KCNH5: variants seen among roughly 807,000 people sequenced by gnomAD.
KCNH5 encodes the protein potassium voltage-gated channel subfamily H member 5.
A neutral mutation model predicts 96.1 loss-of-function variants in KCNH5; 46 were observed. The observed-to-expected ratio is 0.48, with a 90% confidence interval of 0.38 to 0.61. KCNH5 has a LOEUF of 0.61. Among genes scored for constraint, KCNH5 ranks in the 20% least tolerant of loss-of-function variants. The pLI is 0.00. For synonymous variants in KCNH5, 439 were observed against 449.8 expected (o/e 0.98, Z 0.30); for missense variants, 907 against 1,225.8 (o/e 0.74, Z 3.88).
intron 7 of KCNH5, among the ~76,000 whole-genome samples, chr14:62,859,978 T>C (rs145593897): frequency 3.5e-3 from 527 of 152,348 alleles, no homozygotes; most frequent in Non-Finnish European, 6.2e-3. Flanking sequence ...AACTTACTTA[T>C]GCCTTCAAGA....
At chr14:62,954,009 T>G (rs2140133203) in intron 6 of KCNH5, among the ~76,000 whole-genome samples, 1 of 152,320 alleles carries the variant, frequency 6.6e-6, no homozygotes, top group African/African-American at 2.4e-5. Context: ...CATCAGGACC[T>G]TGTACCTACC....
chr14:62,742,048 T>G (rs919899359), intron 10 of KCNH5, among the ~76,000 whole-genome samples: 1 of 152,134 alleles, frequency 6.6e-6, no homozygotes, highest in African/African-American at 2.4e-5. Flanking sequence ...AATTGAACAG[T>G]AATATCTTCC....
rs1018982491 is a variant in KCNH5 at position 62,817,756 on chromosome 14, A to G, written c.1570-15175T>C. Among the ~76,000 whole-genome samples the G allele has an allele frequency of 4.1e-5, 6 of 146,822 alleles. No individual in the cohort carries two copies. In the South Asian group the frequency reaches 1.3e-3, roughly 31 times the overall value. On this transcript the variant is annotated intron_variant, in intron 8 of 10. Coordinates refer to ENST00000322893, the MANE Select transcript of KCNH5 (RefSeq NM_139318.5). ...ATATAATAATATATTCTAGGAATATATTATATTCCTATATATTCTAGGAAT... is the reference window on the plus strand; with the variant it reads ...ATATAATAATATATTCTAGGAATATGTTATATTCCTATATATTCTAGGAAT...
At position 62,955,675 on chromosome 14, in the gene KCNH5, C is replaced by T. The variant is rs559889190; in HGVS notation, c.943-5116G>A. Among the ~76,000 whole-genome samples the T allele has an allele frequency of 5.3e-5, 8 of 152,246 alleles. No individual in the cohort carries two copies. The East Asian group carries it at 1.5e-3, about 29-fold the overall frequency. ...TTGGCTTAAACATGAGCATTCTCTA[C>T]ATGACTGAATAAAGTAGATTAAATA... is the stretch of plus-strand genomic sequence containing the variant. On this transcript the variant is annotated intron_variant, in intron 6 of 10. Coordinates refer to ENST00000322893, the MANE Select transcript of KCNH5 (RefSeq NM_139318.5).
intron 8 of KCNH5, among the ~76,000 whole-genome samples, chr14:62,818,113 G>GT (rs1196822751): frequency 1.6e-5 from 2 of 128,358 alleles, no homozygotes; most frequent in Non-Finnish European, 3.3e-5. Flanking sequence ...TGGGGGCGGG[G>GT]GGGGGGTGGA....
chr14:62,936,788 C>A (rs533556448), intron 7 of KCNH5, among the ~76,000 whole-genome samples: 13 of 151,622 alleles, frequency 8.6e-5, no homozygotes, highest in Non-Finnish European at 8.8e-5. Flanking sequence ...CCTGCCTGAC[C>A]AACAGGGTGA....
intron 8 of KCNH5, among the ~76,000 whole-genome samples, chr14:62,810,833 T>A (rs2140007310): frequency 6.6e-6 from 1 of 152,228 alleles, no homozygotes; most frequent in Non-Finnish European, 1.5e-5. Context: ...CTTAATAAAC[T>A]TGCTTAATAA....
intron 1 of KCNH5, among the ~76,000 whole-genome samples, chr14:63,018,594 G>A (rs1396919692): frequency 6.6e-6 from 1 of 151,974 alleles, no homozygotes; most frequent in Non-Finnish European, 1.5e-5. Flanking sequence ...TGCATTAGGA[G>A]TAAGAAACAA....
At chr14:62,935,779 T>C (rs1009642135) in intron 7 of KCNH5, among the ~76,000 whole-genome samples, 45 of 152,162 alleles carry the variant, frequency 3.0e-4, no homozygotes, top group African/African-American at 9.4e-4. Context: ...GAGGACAAAA[T>C]GGCAGCTTCA....
intron 2 of KCNH5, among the ~76,000 whole-genome samples, chr14:63,011,203 C>T (rs1029298290): frequency 2.0e-5 from 3 of 152,128 alleles, no homozygotes; most frequent in Admixed American, 6.6e-5. Flanking sequence ...CAGTTTTCGG[C>T]CCGGCACAGT....
intron 6 of KCNH5, among the ~76,000 whole-genome samples, chr14:62,972,161 A>C (rs1023612972): frequency 2.0e-5 from 3 of 152,208 alleles, no homozygotes; most frequent in African/African-American, 7.2e-5. Flanking sequence ...CAATTAAAAA[A>C]ATGCACAAAA....
intron 7 of KCNH5, among the ~76,000 whole-genome samples, chr14:62,915,517 AG>A (rs1309544466): frequency 6.6e-6 from 1 of 152,358 alleles, no homozygotes; most frequent in East Asian, 1.9e-4. Flanking sequence ...ATGCAGTAAA[AG>A]TAAAGGTAGA....
intron 9 of KCNH5, among the ~76,000 whole-genome samples, chr14:62,802,072 C>T (rs779154595): frequency 1.6e-4 from 24 of 152,204 alleles, no homozygotes; most frequent in South Asian, 2.1e-4. Context: ...CGTTAGGCTG[C>T]GACCACCTTT....
chr14:62,758,956 T>C (rs1885687206), intron 10 of KCNH5, among the ~76,000 whole-genome samples: 1 of 152,208 alleles, frequency 6.6e-6, no homozygotes, highest in Admixed American at 6.5e-5. Flanking sequence ...TTTTTCTTTA[T>C]AATAAATGCT....
At chr14:62,799,221 G>T (rs531652244) in intron 9 of KCNH5, among the ~76,000 whole-genome samples, 1 of 151,996 alleles carries the variant, frequency 6.6e-6, no homozygotes, top group African/African-American at 2.4e-5. Context: ...TAGATAAAAC[G>T]CATGAATGAT....
chr14:62,709,416 T>C (rs1257883298), intron 10 of KCNH5, among the ~76,000 whole-genome samples: 1 of 152,070 alleles, frequency 6.6e-6, no homozygotes, highest in Non-Finnish European at 1.5e-5. Flanking sequence ...TGAGGAAAAG[T>C]TTCCGGGAGG....
intron 10 of KCNH5, among the ~76,000 whole-genome samples, chr14:62,737,779 C>G (rs529569967): frequency 6.6e-6 from 1 of 152,124 alleles, no homozygotes; most frequent in Non-Finnish European, 1.5e-5. Context: ...TGTCTAAAAA[C>G]AGAAGCTATG....
chr14:62,877,017 G>A (rs1008286881), intron 7 of KCNH5, among the ~76,000 whole-genome samples: 27 of 152,144 alleles, frequency 1.8e-4, no homozygotes, highest in Admixed American at 3.9e-4. Flanking sequence ...TTTTTCTCAA[G>A]TTTGTCAAAG....
rs141420366 is a variant in KCNH5, at chr14:62,896,964, C to T, written c.1370-47112G>A. 1.8e-4 allele frequency among the ~76,000 whole-genome samples: 28 copies of T among 152,284 alleles called. No individual in the cohort carries two copies. The East Asian group carries it at 4.6e-3, about 25-fold the overall frequency. On this transcript the variant is annotated intron_variant, in intron 7 of 10. Transcript: ENST00000322893. Reference sequence around the variant, plus strand: ...ACCACAGCCACATATGAGGAATATACATAACAAGCAGCCTGCCTCTCTTTA... The same window carrying T: ...ACCACAGCCACATATGAGGAATATATATAACAAGCAGCCTGCCTCTCTTTA...
Sources: gnomAD v4.1 joint callset for allele counts (sites outside exome capture counted in the v4.1 genomes callset) on GRCh38, gnomAD v4.1.1 for gene constraint, MANE v1.5 for transcripts, NCBI Gene and HGNC (gene_info 2026-07-23, HGNC 2026-07-21) for gene names.